The following MSH4 variants were observed in gnomAD, a reference collection of about 807,000 sequenced individuals.
The protein encoded by MSH4 is mutS homolog 4.
MSH4 carries 106 observed loss-of-function variants against 113.7 expected under a neutral mutation model. The ratio of observed to expected loss-of-function variants is 0.93; its 90% confidence interval spans 0.80 to 1.10. MSH4 has a LOEUF of 1.10. Among genes scored for constraint, MSH4 ranks in the 50% least tolerant of loss-of-function variants. The pLI is 0.00. For synonymous variants in MSH4, 368 were observed against 380.2 expected, an observed-to-expected ratio of 0.97 and a Z score of 0.37; for missense variants, 1,061 against 1,093.7, an observed-to-expected ratio of 0.97 and a Z score of 0.42.
chr1:75,803,581 C>T (rs934934102), intron 1 of MSH4, 150 bp from the exon 2 acceptor site: 14 of 502,914 alleles, frequency 2.8e-5, no homozygotes, highest in Admixed American at 1.3e-4. Flanking sequence ...CATGCCACTA[C>T]GCTCCAGCCT....
At chr1:75,820,098 A>G (rs564384181) in intron 6 of MSH4, among the ~76,000 whole-genome samples, 15 of 152,244 alleles carry the variant, frequency 9.9e-5, no homozygotes, top group Non-Finnish European at 1.8e-4. Flanking sequence ...GAACAAGATC[A>G]TTATAGTAAA....
At chr1:75,800,406 AAG>A (rs1323525167) in intron 1 of MSH4, among the ~76,000 whole-genome samples, 2 of 152,178 alleles carry the variant, frequency 1.3e-5, no homozygotes, top group Admixed American at 6.5e-5. Context: ...AATTGTAAGA[AAG>A]AGAGATACTG....
At position 75,883,661 on chromosome 1, in the gene MSH4, A is replaced by G; in HGVS notation, c.1947A>G (p.Gly649=). ...CTGATACTTTAGCAATCAAACAGGGATGGCATCCTATTCTTGAAAAAATAT... is the reference window on the plus strand; with the variant it reads ...CTGATACTTTAGCAATCAAACAGGGGTGGCATCCTATTCTTGAAAAAATAT... ...EFTDTLAIKQ[G]WHPILEKISA... is the part of the protein sequence containing the mutation. The change falls in exon 15 of 20, where the codon GGA becomes GGG. Residue 649 remains glycine (G), a synonymous_variant. Transcript: ENST00000263187. 1 of 1,613,364 alleles carries G rather than the reference A, an allele frequency of 6.2e-7. No individual in the cohort carries two copies. The highest frequency in any genetic ancestry group is 8.5e-7 in the Non-Finnish European group (1 of 1,179,656).
intron 16 of MSH4, among the ~76,000 whole-genome samples, chr1:75,889,632 C>T (rs1652206519): frequency 1.3e-5 from 2 of 151,986 alleles, no homozygotes; most frequent in Admixed American, 6.6e-5. Context: ...ATAGGAAATA[C>T]GTAAAAGACT....
intron 7 of MSH4, among the ~76,000 whole-genome samples, chr1:75,840,264 C>A (rs1356350654): frequency 2.9e-5 from 4 of 139,576 alleles, no homozygotes; most frequent in Non-Finnish European, 6.2e-5. Flanking sequence ...GACTTGGAAC[C>A]AACCCAAATG....
rs200982251 is a variant in MSH4 at position 75,902,866 on chromosome 1, A to AT, written c.2619+3163dup. ...TTTTGCCAATGTTTTAATTGGGTTT[A>AT]TTTGGTGGGATTTTTTTGCTATTGA... is the stretch of plus-strand genomic sequence containing the variant. On this transcript the variant is annotated intron_variant, in intron 19 of 19. Transcript: ENST00000263187. Among the ~76,000 whole-genome samples, 930 of 150,320 alleles carry AT rather than the reference A, an allele frequency of 6.2e-3. 15 individuals are homozygous for AT. Among genetic ancestry groups the AT allele is most frequent in the Admixed American group, 0.035 (519 of 15,024 alleles).
chr1:75,835,738 A>G (rs2100534755), intron 7 of MSH4, among the ~76,000 whole-genome samples: 1 of 152,212 alleles, frequency 6.6e-6, no homozygotes, highest in Non-Finnish European at 1.5e-5. Context: ...TCTAGCTACC[A>G]CTATATCACT....
chr1:75,873,416 T>G (rs1452630465), intron 9 of MSH4, among the ~76,000 whole-genome samples: 1 of 152,172 alleles, frequency 6.6e-6, no homozygotes, highest in Non-Finnish European at 1.5e-5. Context: ...AATTTTTTAA[T>G]TTTTATTTTA....
intron 17 of MSH4, among the ~76,000 whole-genome samples, chr1:75,894,976 GA>G (rs1356728021): frequency 3.9e-5 from 6 of 152,090 alleles, no homozygotes; most frequent in Non-Finnish European, 8.8e-5. Context: ...AGTGGAAATG[GA>G]AGTGGCATCA....
chr1:75,884,590 G>A (rs1037785266), intron 15 of MSH4, among the ~76,000 whole-genome samples: 1 of 151,918 alleles, frequency 6.6e-6, no homozygotes, highest in African/African-American at 2.4e-5. Context: ...ATCCTACAAT[G>A]CACAGAACAG....
At chr1:75,807,572 G>A (rs964626117) in intron 3 of MSH4, among the ~76,000 whole-genome samples, 6 of 152,100 alleles carry the variant, frequency 3.9e-5, no homozygotes, top group Admixed American at 2.6e-4. Flanking sequence ...GGATTAATGC[G>A]TTTTTGGTTG....
chr1:75,816,590 T>C, intron 6 of MSH4, 44 bp downstream of exon 6: 1 of 1,117,576 alleles, frequency 8.9e-7, no homozygotes, highest in Non-Finnish European at 1.2e-6. Flanking sequence ...TCGGTATATA[T>C]ATATTTTTCT....
At chr1:75,881,131 A>T in intron 13 of MSH4, 115 bp from the exon 14 acceptor site, 2 of 798,780 alleles carry the variant, frequency 2.5e-6, no homozygotes, top group South Asian at 3.8e-5. Context: ...ATAGTGTATA[A>T]CTCAGATGTG....
chr1:75,805,046 T>TCTG, intron 2 of MSH4, among the ~76,000 whole-genome samples: 1 of 150,004 alleles, frequency 6.7e-6, no homozygotes, highest in Non-Finnish European at 1.5e-5. Flanking sequence ...AGGCTGGTCT[T>TCTG]GAACTCCTAA....
chr1:75,878,351 G>T (rs1490798090), intron 11 of MSH4, 33 bp downstream of exon 11: 1 of 1,502,614 alleles, frequency 6.7e-7, no homozygotes, highest in Non-Finnish European at 8.9e-7. Context: ...TTTTTTGTAG[G>T]GATAAAACAG....
intron 14 of MSH4, 27 bp from the exon 15 acceptor site, chr1:75,883,594 A>G: frequency 6.4e-7 from 1 of 1,571,080 alleles, no homozygotes; most frequent in Non-Finnish European, 8.7e-7. Context: ...ATTAATCTTT[A>G]AAAACCATTC....
At chr1:75,900,504 G>A (rs373746249) in intron 19 of MSH4, among the ~76,000 whole-genome samples, 38 of 151,770 alleles carry the variant, frequency 2.5e-4, no homozygotes, top group African/African-American at 7.7e-4. Context: ...TGGGGGTTTC[G>A]CCATGTTGGC....
chr1:75,859,942 C>T lies in MSH4; in HGVS notation c.1231-7572C>T, dbSNP rs549897086. ...AGAACTTGCTTTATGAATCTGGGTG[C>T]TCCTGTATTGGGTGTGTATATATTT... On this transcript the variant is annotated intron_variant, in intron 8 of 19. Transcript: ENST00000263187. Among the ~76,000 whole-genome samples, 23 of 152,258 alleles carry T rather than the reference C, an allele frequency of 1.5e-4. No homozygotes were observed. In the South Asian group the frequency reaches 4.6e-3, roughly 30 times the overall value.
rs532094398 is a variant in MSH4 at position 75,893,923 on chromosome 1, C to G, written c.2355+3099C>G. On this transcript the variant is annotated intron_variant, in intron 17 of 19. Coordinates refer to ENST00000263187, the MANE Select transcript of MSH4 (RefSeq NM_002440.4). ...GCTGAAAAACAGACCAAAAGTTGGC[C>G]CACCATGAATGAGTTGCCTTGGTTT... Among the ~76,000 whole-genome samples, 44 of 152,178 alleles carry G rather than the reference C, an allele frequency of 2.9e-4. No individual in the cohort carries two copies. In the Middle Eastern group the frequency reaches 0.017, roughly 59 times the overall value.
Sources: allele counts gnomAD v4.1 joint callset (sites outside exome capture counted in the v4.1 genomes callset), GRCh38; gene constraint gnomAD v4.1.1; transcripts MANE v1.5; gene names NCBI Gene and HGNC (gene_info 2026-07-23, HGNC 2026-07-21).